Variants in GULP1 observed in about 807,000 individuals in gnomAD.
The protein encoded by GULP1 is PTB domain-containing engulfment adapter protein 1.
In GULP1, 19 loss-of-function variants were observed where a neutral mutation model predicts 40.9. The ratio of observed to expected loss-of-function variants is 0.46; its 90% CI spans 0.32 to 0.68. The LOEUF is 0.68. Among genes scored for constraint, GULP1 ranks in the 30% least tolerant of loss-of-function variants. The pLI is 0.03. For synonymous variants in GULP1, 119 were observed against 117.6 expected (o/e 1.01, Z -0.08); for missense variants, 312 against 362.2 (o/e 0.86, Z 1.12).
intron 4 of GULP1, among the ~76,000 whole-genome samples, chr2:188,511,768 TATA>T (rs2064573925): frequency 6.6e-6 from 1 of 152,164 alleles, no homozygotes; most frequent in Admixed American, 6.6e-5. Flanking sequence ...AAATAATTGT[TATA>T]ATAAAATGAG....
chr2:188,545,269 T>C (rs1306479909), intron 7 of GULP1, among the ~76,000 whole-genome samples: 1 of 150,218 alleles, frequency 6.7e-6, no homozygotes, highest in African/African-American at 2.4e-5. Context: ...CAATACAAAA[T>C]GGGAACTTGG....
At chr2:188,571,349 C>T (rs1250932038) in intron 9 of GULP1, among the ~76,000 whole-genome samples, 1 of 152,058 alleles carries the variant, frequency 6.6e-6, no homozygotes, top group African/African-American at 2.4e-5. Flanking sequence ...ATAGAAGTTT[C>T]ATTTAGGGTT....
intron 2 of GULP1, among the ~76,000 whole-genome samples, chr2:188,395,347 G>A (rs961592125): frequency 3.3e-5 from 5 of 152,320 alleles, no homozygotes; most frequent in East Asian, 1.9e-4. Flanking sequence ...CGAACCTGGC[G>A]TGCACTCCAC....
intron 1 of GULP1, among the ~76,000 whole-genome samples, chr2:188,312,985 A>G (rs1426734150): frequency 1.3e-5 from 2 of 152,086 alleles, no homozygotes; most frequent in Non-Finnish European, 1.5e-5. Flanking sequence ...TTTCCTGTAA[A>G]TTTGTTTAAG....
chr2:188,345,015 C>T (rs776858821), intron 1 of GULP1, among the ~76,000 whole-genome samples: 2 of 149,264 alleles, frequency 1.3e-5, no homozygotes, highest in Admixed American at 6.6e-5. Context: ...AAATTTTATG[C>T]CAGAACTCTG....
chr2:188,523,270 G>A (rs1685307798), intron 5 of GULP1, among the ~76,000 whole-genome samples: 1 of 152,188 alleles, frequency 6.6e-6, no homozygotes. Context: ...GACACTGTAT[G>A]TTAAAGATTT....
At chr2:188,468,768 T>TA (rs887787970) in intron 2 of GULP1, among the ~76,000 whole-genome samples, 8 of 151,930 alleles carry the variant, frequency 5.3e-5, no homozygotes, top group South Asian at 2.1e-4. Context: ...GACTGTCAAA[T>TA]AAAAAAACAA....
chr2:188,477,561 A>T (rs2061112740), intron 2 of GULP1, 98 bp from the exon 3 acceptor site: 2 of 615,222 alleles, frequency 3.3e-6, no homozygotes, highest in Non-Finnish European at 5.6e-6. Context: ...AAATATTTTT[A>T]AAAATTTAAA....
At position 188,506,194 on chromosome 2, in the gene GULP1, G is replaced by T. The variant is rs531287381; in HGVS notation, c.91-16562G>T. 2.0e-5 allele frequency among the ~76,000 whole-genome samples: 3 copies of T among 151,828 alleles called. No homozygotes were observed. In the East Asian group the frequency reaches 5.8e-4, roughly 29 times the overall value. ...TTTAATTTTAACTACAGTGTCATAAGCATACTTGCTAATGTAAGTATTCAT... is the reference window on the plus strand; with the variant it reads ...TTTAATTTTAACTACAGTGTCATAATCATACTTGCTAATGTAAGTATTCAT... On this transcript the variant is annotated intron_variant, in intron 4 of 11. Coordinates refer to ENST00000409830, the MANE Select transcript of GULP1 (RefSeq NM_016315.4).
chr2:188,305,142 C>G (rs567614720), intron 1 of GULP1, among the ~76,000 whole-genome samples: 6 of 152,250 alleles, frequency 3.9e-5, no homozygotes, highest in Non-Finnish European at 5.9e-5. Context: ...GCTGAAGCAG[C>G]TTACAGAACT....
chr2:188,454,954 T>C (rs1179794723), intron 2 of GULP1, among the ~76,000 whole-genome samples: 1 of 151,900 alleles, frequency 6.6e-6, no homozygotes, highest in East Asian at 1.9e-4. Context: ...GAGACCCCCA[T>C]CTGTACAAAA....
chr2:188,444,970 C>T (rs982578292), intron 2 of GULP1, among the ~76,000 whole-genome samples: 2 of 152,144 alleles, frequency 1.3e-5, no homozygotes, highest in Admixed American at 6.5e-5. Flanking sequence ...GCAGACTCAA[C>T]TGATTGTCAC....
At chr2:188,410,686 G>A (rs1033547974) in intron 2 of GULP1, among the ~76,000 whole-genome samples, 11 of 152,276 alleles carry the variant, frequency 7.2e-5, no homozygotes, top group Admixed American at 2.0e-4. Flanking sequence ...AAGTGGCTAT[G>A]TGGCAATCTT....
intron 1 of GULP1, among the ~76,000 whole-genome samples, chr2:188,323,385 T>C (rs1230126575): frequency 2.0e-5 from 3 of 152,058 alleles, no homozygotes; most frequent in African/African-American, 7.2e-5. Flanking sequence ...GAACATAGGC[T>C]GTGCTGTGGT....
chr2:188,340,163 C>G (rs1050870211), intron 1 of GULP1, among the ~76,000 whole-genome samples: 1 of 152,136 alleles, frequency 6.6e-6, no homozygotes, highest in African/African-American at 2.4e-5. Flanking sequence ...GCAAGGAACC[C>G]TTCAGTTTCT....
rs1469663693 is a variant in GULP1, at chr2:188,584,349, C to A, written c.694C>A (p.Pro232Thr). Reference sequence around the variant, plus strand: ...TCCAATATCACACCAGTCTTCGATGCCTACTCGCAATGGCACACAGCCACC... The same window carrying A: ...TCCAATATCACACCAGTCTTCGATGACTACTCGCAATGGCACACAGCCACC... The part of the protein sequence containing the change: ...FSPISHQSSM[P>T]TRNGTQPPPV... The change falls in exon 10 of 12, where the codon CCT becomes ACT. Residue 232 changes from proline (P) to threonine (T), a missense_variant. Pro to Thr is a conservative substitution (Grantham distance 38). Transcript: ENST00000409830. 6.2e-7 allele frequency: 1 copy of A among 1,605,064 alleles called. No individual in the cohort carries two copies. Among genetic ancestry groups the A allele is most frequent in the Non-Finnish European group, 8.5e-7 (1 of 1,171,966 alleles).
At chr2:188,403,489 C>T (rs766796675) in intron 2 of GULP1, among the ~76,000 whole-genome samples, 6 of 152,084 alleles carry the variant, frequency 3.9e-5, no homozygotes, top group African/African-American at 7.2e-5. Context: ...CTATGATAAA[C>T]GAAGCACACA....
intron 2 of GULP1, among the ~76,000 whole-genome samples, chr2:188,445,432 A>G (rs768670535): frequency 9.9e-5 from 15 of 152,202 alleles, no homozygotes; most frequent in African/African-American, 1.4e-4. Context: ...TATCTACTCT[A>G]TTCCAAAAAT....
chr2:188,510,361 G>A (rs1237925082), intron 4 of GULP1, among the ~76,000 whole-genome samples: 1 of 151,824 alleles, frequency 6.6e-6, no homozygotes. Context: ...TGTGATCAAG[G>A]AAAATTAAAT....
Sources: gnomAD v4.1 joint callset for allele counts (sites outside exome capture counted in the v4.1 genomes callset) on GRCh38, gnomAD v4.1.1 for gene constraint, MANE v1.5 for transcripts, NCBI Gene and HGNC (gene_info 2026-07-23, HGNC 2026-07-21) for gene names.